SPAG16: variants seen among roughly 807,000 people sequenced by gnomAD.
The protein encoded by SPAG16 is sperm associated antigen 16.
A neutral mutation model predicts 80.4 loss-of-function variants in SPAG16; 86 were observed. The ratio of observed to expected loss-of-function variants is 1.07; its 90% CI spans 0.90 to 1.28. The LOEUF (loss-of-function observed/expected upper bound fraction) is 1.28, where lower values mean the gene tolerates loss of function less well. SPAG16 is among the 50% of genes most tolerant of loss of function. The pLI is 0.00. For synonymous variants in SPAG16, 294 were observed against 265.9 expected (o/e 1.11, Z -1.03); for missense variants, 870 against 765.3 (o/e 1.14, Z -1.61).
chr2:213,495,314 G>T (rs1290529444), intron 10 of SPAG16, among the ~76,000 whole-genome samples: 2 of 152,230 alleles, frequency 1.3e-5, no homozygotes, highest in African/African-American at 4.8e-5. Context: ...TAAGCCATGT[G>T]ATAGAAGAAG....
chr2:213,761,937 G>C (rs972882698), intron 10 of SPAG16, among the ~76,000 whole-genome samples: 6 of 151,834 alleles, frequency 4.0e-5, no homozygotes, highest in African/African-American at 1.5e-4. Flanking sequence ...TACGAATATT[G>C]AGGCAAAAAT....
At chr2:214,377,366 A>G (rs533936868) in intron 15 of SPAG16, among the ~76,000 whole-genome samples, 13 of 152,264 alleles carry the variant, frequency 8.5e-5, no homozygotes, top group African/African-American at 2.9e-4. Context: ...AAAAAGTTGA[A>G]TTGCTTGATA....
chr2:214,404,656 C>G (rs77172483), intron 15 of SPAG16, among the ~76,000 whole-genome samples: 1,727 of 151,566 alleles, frequency 0.011, 38 homozygotes, highest in African/African-American at 0.039. Context: ...TAATAAATGG[C>G]TGGGTTGGAT....
chr2:214,213,576 G>T (rs1440897735), intron 15 of SPAG16, among the ~76,000 whole-genome samples: 1 of 152,162 alleles, frequency 6.6e-6, no homozygotes, highest in Non-Finnish European at 1.5e-5. Context: ...TACAGGAGCT[G>T]TTCTGTGCAT....
chr2:214,299,460 G>A (rs554984152), intron 15 of SPAG16, among the ~76,000 whole-genome samples: 1 of 151,910 alleles, frequency 6.6e-6, no homozygotes, highest in African/African-American at 2.4e-5. Context: ...ATGTTGGCCA[G>A]GATGGTCTTG....
intron 6 of SPAG16, among the ~76,000 whole-genome samples, chr2:213,344,389 T>C (rs1262836106): frequency 6.6e-6 from 1 of 152,040 alleles, no homozygotes; most frequent in Non-Finnish European, 1.5e-5. Context: ...TTTTTCTTTT[T>C]TTTTTGTATT....
intron 10 of SPAG16, among the ~76,000 whole-genome samples, chr2:213,704,538 G>A (rs2065651993): frequency 6.6e-6 from 1 of 151,970 alleles, no homozygotes; most frequent in Non-Finnish European, 1.5e-5. Flanking sequence ...CATGGATTAA[G>A]CTTACCATTT....
chr2:213,356,734 G>T lies in SPAG16; in HGVS notation c.762+6089G>T, dbSNP rs773404733. On this transcript the variant is annotated intron_variant, in intron 7 of 15. Coordinates refer to ENST00000331683, the MANE Select transcript of SPAG16 (RefSeq NM_024532.5). ...CTTTGATTTTTTGAAGGGTGTTTTT[G>T]TGTCCCTGTCTCCTTCAGTTCTGTT... Among the ~76,000 whole-genome samples the T allele has an allele frequency of 5.9e-5, 9 of 152,174 alleles. No individual in the cohort carries two copies. In the East Asian group the frequency reaches 1.7e-3, roughly 29 times the overall value.
intron 10 of SPAG16, among the ~76,000 whole-genome samples, chr2:213,683,649 T>TTA (rs2064508281): frequency 6.6e-6 from 1 of 152,206 alleles, no homozygotes; most frequent in Non-Finnish European, 1.5e-5. Context: ...CATTCTGTTC[T>TTA]TATATATTTT....
At chr2:213,800,368 C>T (rs537844792) in intron 10 of SPAG16, among the ~76,000 whole-genome samples, 228 of 136,300 alleles carry the variant, frequency 1.7e-3, no homozygotes, top group Non-Finnish European at 2.6e-3. Flanking sequence ...CTCTCCCTCT[C>T]TCCCTTTCTT....
intron 11 of SPAG16, among the ~76,000 whole-genome samples, chr2:213,885,952 A>G (rs2076538878): frequency 6.6e-6 from 1 of 152,206 alleles, no homozygotes; most frequent in African/African-American, 2.4e-5. Context: ...AATGAAGACC[A>G]AAATATACAG....
intron 15 of SPAG16, among the ~76,000 whole-genome samples, chr2:214,187,254 C>T (rs1394566446): frequency 6.6e-6 from 1 of 152,004 alleles, no homozygotes; most frequent in African/African-American, 2.4e-5. Context: ...TGTTTTAATC[C>T]ATAGTAATCT....
chr2:214,349,225 A>G (rs1374979781), intron 15 of SPAG16, among the ~76,000 whole-genome samples: 1 of 152,226 alleles, frequency 6.6e-6, no homozygotes, highest in Non-Finnish European at 1.5e-5. Context: ...CCTGACAAAA[A>G]GAACAAATAA....
At chr2:214,168,926 C>G (rs2056771465) in intron 15 of SPAG16, among the ~76,000 whole-genome samples, 1 of 152,110 alleles carries the variant, frequency 6.6e-6, no homozygotes, top group African/African-American at 2.4e-5. Context: ...ACTTCAAATG[C>G]AGCTATCTCA....
At chr2:213,906,296 C>G (rs1039529075) in intron 11 of SPAG16, among the ~76,000 whole-genome samples, 3 of 151,830 alleles carry the variant, frequency 2.0e-5, no homozygotes, top group Non-Finnish European at 4.4e-5. Flanking sequence ...GGATAAGATA[C>G]CTAAGAATAA....
chr2:213,774,259 G>A (rs1389746820), intron 10 of SPAG16, among the ~76,000 whole-genome samples: 1 of 152,162 alleles, frequency 6.6e-6, no homozygotes, highest in Non-Finnish European at 1.5e-5. Flanking sequence ...TTTTCTTTCA[G>A]TTCTGTAGGT....
intron 10 of SPAG16, among the ~76,000 whole-genome samples, chr2:213,638,349 G>A (rs539471676): frequency 6.6e-6 from 1 of 152,034 alleles, no homozygotes; most frequent in East Asian, 1.9e-4. Flanking sequence ...ATCTATTCAT[G>A]CTCTTTCAAA....
chr2:213,558,501 G>A lies in SPAG16; in HGVS notation c.1070+68411G>A, dbSNP rs371695779. 9.2e-5 allele frequency among the ~76,000 whole-genome samples: 14 copies of A among 151,808 alleles called. No homozygotes were observed. In the East Asian group the frequency reaches 1.5e-3, roughly 17 times the overall value. On this transcript the variant is annotated intron_variant, in intron 10 of 15. Transcript: ENST00000331683. ...TTTTTTTGTGTTAGTCATGTACAGG[G>A]ACTGTAGAGATAAAATCAAAGTAAA...
intron 10 of SPAG16, among the ~76,000 whole-genome samples, chr2:213,738,365 G>C (rs1177346144): frequency 2.6e-5 from 4 of 152,156 alleles, no homozygotes; most frequent in African/African-American, 9.7e-5. Flanking sequence ...GGAGATTAAT[G>C]ACCAGTTATT....
Sources: allele counts gnomAD v4.1 joint callset (sites outside exome capture counted in the v4.1 genomes callset), GRCh38; gene constraint gnomAD v4.1.1; transcripts MANE v1.5; gene names NCBI Gene and HGNC (gene_info 2026-07-23, HGNC 2026-07-21).